SIRT1: variants seen among roughly 807,000 people sequenced by gnomAD.
SIRT1 encodes the protein NAD-dependent protein deacetylase sirtuin-1.
SIRT1 carries 24 observed loss-of-function variants against 67.9 expected under a neutral mutation model. The observed-to-expected ratio is 0.35, with a 90% CI of 0.26 to 0.50. The LOEUF is 0.50. SIRT1 is among the 20% of genes least tolerant of loss of function. The pLI is 0.98. For synonymous variants in SIRT1, 378 were observed against 350.7 expected, an observed-to-expected ratio of 1.08 and a Z score of -0.87; for missense variants, 873 against 937.2, an observed-to-expected ratio of 0.93 and a Z score of 0.89.
chr10:67,889,101 T>C lies in SIRT1; in HGVS notation c.767T>C (p.Ile256Thr). Residue 256 changes from isoleucine to threonine, a missense_variant, in exon 3 of 9, where the codon ATT (isoleucine) becomes ACT (threonine). Transcript: ENST00000212015. ...AAATTACTGCAAGAGTGCAAAAAAA[T>C]TATAGTTCTAACTGGAGCTGGGGTA... ...AVKLLQECKK[I>T]IVLTGAGVSV... 1 of 1,602,878 alleles carries C rather than the reference T, an allele frequency of 6.2e-7. No individual in the cohort carries two copies.
chr10:67,885,304 G>A (rs960107139), intron 1 of SIRT1, 153 bp downstream of exon 1: 3 of 1,241,032 alleles, frequency 2.4e-6, no homozygotes, highest in South Asian at 3.6e-5. Context: ...CGCTCCTCCG[G>A]GGCTGCGGTT....
In SIRT1 at chr10:67,906,930, G is replaced by T. The variant is rs1235876376; in HGVS notation, c.1083G>T (p.Gln361His). The change falls in exon 5 of 9, where the codon CAG (glutamine) becomes CAT (histidine). Residue 361 changes from glutamine (Q) to histidine (H), a missense_variant. Gln to His is a conservative substitution (Grantham distance 24). This residue lies in a region of SIRT1 where 251 missense variants were observed against 358.8 expected (regional missense o/e 0.70). Transcript: ENST00000212015. ...EQVAGIQRII[Q>H]CHGSFATASC... Reference sequence around the variant, plus strand: ...TTGCGGGAATCCAAAGGATAATTCAGTGTCATGGTTAGTAAACTTCAGAGT... The same window carrying T: ...TTGCGGGAATCCAAAGGATAATTCATTGTCATGGTTAGTAAACTTCAGAGT... The T allele has an allele frequency of 6.3e-7, 1 of 1,598,404 alleles. No homozygotes were observed. Among genetic ancestry groups the T allele is most frequent in the Non-Finnish European group, 8.5e-7 (1 of 1,174,718 alleles).
At position 67,906,936 on chromosome 10, in the gene SIRT1, T is replaced by C. The variant is rs746199406; in HGVS notation, c.1089T>C (p.His363=). ...GAATCCAAAGGATAATTCAGTGTCA[T>C]GGTTAGTAAACTTCAGAGTGGTTTT... ...VAGIQRIIQC[H]GSFATASCLI... The change falls in exon 5 of 9, where the codon CAT becomes CAC. Residue 363 remains histidine (H), a splice_region_variant and synonymous_variant. Coordinates refer to ENST00000212015, the MANE Select transcript of SIRT1 (RefSeq NM_012238.5). 2 of 1,585,382 alleles carry C rather than the reference T, an allele frequency of 1.3e-6. No homozygotes were observed. The highest frequency in any genetic ancestry group is 1.7e-6 in the Non-Finnish European group (2 of 1,170,134).
Position 67,892,125 on chromosome 10 carries a change from CAT to C in SIRT1, c.942+574_942+575del, listed in dbSNP as rs202008873. The stretch of plus-strand genomic sequence containing the variant: ...TGATATGTGCAATAAGTGTAGAAGA[CAT>C]ATTGGATTTTAGAGATCCAGTATGG... On this transcript the variant is annotated intron_variant, in intron 4 of 8. Coordinates refer to ENST00000212015, the MANE Select transcript of SIRT1 (RefSeq NM_012238.5). 3.2e-3 allele frequency among the ~76,000 whole-genome samples: 494 copies of C among 152,194 alleles called. 5 individuals are homozygous for C. Among genetic ancestry groups the C allele is most frequent in the East Asian group, 8.7e-3 (45 of 5,186 alleles).
intron 4 of SIRT1, among the ~76,000 whole-genome samples, chr10:67,902,350 CCCAATCCCA>C (rs1363169476): frequency 6.6e-6 from 1 of 152,154 alleles, no homozygotes; most frequent in African/African-American, 2.4e-5. Flanking sequence ...CCAGCGTCTT[CCCAATCCCA>C]CCTCCACCCC....
intron 1 of SIRT1, 54 bp downstream of exon 1, chr10:67,885,205 G>C (rs1454113667): frequency 1.5e-6 from 2 of 1,291,148 alleles, no homozygotes; most frequent in Non-Finnish European, 2.0e-6. Flanking sequence ...CTCTCCCCGG[G>C]CTCCTACTGG....
At chr10:67,886,046 A>G (rs1842474856) in intron 1 of SIRT1, among the ~76,000 whole-genome samples, 1 of 147,982 alleles carries the variant, frequency 6.8e-6, no homozygotes, top group Non-Finnish European at 1.5e-5. Flanking sequence ...CCCGCGTTCA[A>G]CCGATTCTCC....
chr10:67,906,957 GT>G lies in SIRT1; in HGVS notation c.1090+24del. ...GTCATGGTTAGTAAACTTCAGAGTG[GT>G]TTTCTGTAATTTATTTTAGTTTTAT... On this transcript the variant is annotated intron_variant, in intron 5 of 8. Coordinates refer to ENST00000212015, the MANE Select transcript of SIRT1 (RefSeq NM_012238.5). 3 of 1,530,766 alleles carry G rather than the reference GT, an allele frequency of 2.0e-6. No homozygotes were observed. The highest frequency in any genetic ancestry group is 2.6e-6 in the Non-Finnish European group (3 of 1,145,454). The allele number at this position is 1,530,766 out of a possible 1,614,324, so 94.8% of individuals were successfully genotyped here. A position where few individuals can be genotyped will look rare whatever the true frequency, so the allele number is the denominator to read the frequency against.
In SIRT1 at chr10:67,915,492, C is replaced by T. The variant is rs960909915; in HGVS notation, c.1916-773C>T. Among the ~76,000 whole-genome samples, 12 of 152,052 alleles carry T rather than the reference C, an allele frequency of 7.9e-5. No individual in the cohort carries two copies. In the South Asian group the frequency reaches 1.2e-3, roughly 16 times the overall value. ...TACATCTTAGAGGAGTTTTCAAAAG[C>T]GTCTTAGACTGTATGTGTATATACA... On this transcript the variant is annotated intron_variant, in intron 8 of 8. Transcript: ENST00000212015.
intron 4 of SIRT1, chr10:67,906,180 C>A: frequency 1.4e-6 from 2 of 1,410,146 alleles, no homozygotes; most frequent in South Asian, 1.7e-5. Context: ...AGCATTGAAG[C>A]ATTATTTGGG....
intron 6 of SIRT1, among the ~76,000 whole-genome samples, chr10:67,908,801 C>T (rs1163473730): frequency 1.3e-5 from 2 of 152,102 alleles, no homozygotes; most frequent in African/African-American, 4.8e-5. Flanking sequence ...GCTTGGGAGG[C>T]TGAGGCAGGA....
rs1312974577 is a variant in SIRT1 at position 67,896,739 on chromosome 10, G to A, written c.942+5185G>A. 2.2e-5 allele frequency among the ~76,000 whole-genome samples: 3 copies of A among 133,736 alleles called. No homozygotes were observed. The Admixed American group carries it at 2.4e-4, about 11-fold the overall frequency. The allele number at this position is 133,736 out of a possible 152,430, so 87.7% of individuals were successfully genotyped here. ...ATCGCGCTGCTGTACTCCAGCCTGG[G>A]TGACAAAGCAAGAATCTGTCTCAAA... is the stretch of plus-strand genomic sequence containing the variant. On this transcript the variant is annotated intron_variant, in intron 4 of 8. Transcript: ENST00000212015.
Position 67,912,848 on chromosome 10 carries a change from A to C in SIRT1, c.1732A>C (p.Lys578Gln), listed in dbSNP as rs747447296. The stretch of plus-strand genomic sequence containing the variant: ...TGAATCAAAAGGTTGTATGGAAGAA[A>C]AACCACAGGAAGTACAAACTTCTAG... ...VSESKGCMEE[K>Q]PQEVQTSRNV... The change falls in exon 8 of 9, where the codon AAA becomes CAA. Residue 578 changes from lysine (K) to glutamine (Q), a missense_variant. Coordinates refer to ENST00000212015, the MANE Select transcript of SIRT1 (RefSeq NM_012238.5). 6.2e-7 allele frequency: 1 copy of C among 1,614,140 alleles called. No individual in the cohort carries two copies. Among genetic ancestry groups the C allele is most frequent in the Non-Finnish European group, 8.5e-7 (1 of 1,180,022 alleles).
intron 3 of SIRT1, 41 bp from the exon 4 acceptor site, chr10:67,891,361 T>C: frequency 6.3e-7 from 1 of 1,591,866 alleles, no homozygotes; most frequent in Non-Finnish European, 8.6e-7. Flanking sequence ...CCTATAAAGG[T>C]AGAAGATTTA....
chr10:67,888,703 T>G (rs1842524482), intron 2 of SIRT1, among the ~76,000 whole-genome samples, 179 bp from the exon 3 acceptor site: 1 of 152,194 alleles, frequency 6.6e-6, no homozygotes, highest in Admixed American at 6.5e-5. Context: ...CATTAGATCT[T>G]CCTAATCTCA....
chr10:67,906,834 C>CA lies in SIRT1; in HGVS notation c.988dup (p.Ile330AsnfsTer6). On this transcript the variant is annotated frameshift_variant, in exon 5 of 9. Coordinates refer to ENST00000212015, the MANE Select transcript of SIRT1 (RefSeq NM_012238.5). LOFTEE classifies it high-confidence loss of function. ...TCCAGCCATCTCTCTGTCACAAATTCATAGCCTTGTCAGATAAGGAAGGAA... is the reference window on the plus strand; with the variant it reads ...TCCAGCCATCTCTCTGTCACAAATTCAATAGCCTTGTCAGATAAGGAAGGAA... 6.2e-7 allele frequency: 1 copy of CA among 1,613,242 alleles called. No individual in the cohort carries two copies. The highest frequency in any genetic ancestry group is 8.5e-7 in the Non-Finnish European group (1 of 1,179,732).
chr10:67,911,975 G>A (rs1564893800), intron 7 of SIRT1, among the ~76,000 whole-genome samples: 1 of 152,098 alleles, frequency 6.6e-6, no homozygotes, highest in Non-Finnish European at 1.5e-5. Flanking sequence ...TGTTGGTCGG[G>A]TTGGTCTTGA....
chr10:67,898,516 T>C (rs988802963), intron 4 of SIRT1, among the ~76,000 whole-genome samples: 1 of 152,188 alleles, frequency 6.6e-6, no homozygotes, highest in African/African-American at 2.4e-5. Context: ...ATTTGAGTTC[T>C]AGAACAAGCT....
chr10:67,909,994 G>A (rs952566280), intron 7 of SIRT1, among the ~76,000 whole-genome samples: 1 of 152,084 alleles, frequency 6.6e-6, no homozygotes, highest in Non-Finnish European at 1.5e-5. Flanking sequence ...TTACAGGCAC[G>A]AGCCTCCACA....
Sources: gnomAD v4.1 joint callset for allele counts (sites outside exome capture counted in the v4.1 genomes callset) on GRCh38, gnomAD v4.1.1 for gene constraint, gnomAD v4.1.1 regional missense constraint, MANE v1.5 for transcripts, NCBI Gene and HGNC (gene_info 2026-07-23, HGNC 2026-07-21) for gene names.